The following TSPAN3 variants were observed in gnomAD, a reference collection of about 807,000 sequenced individuals.
TSPAN3 encodes tetraspanin-3.
TSPAN3 carries 9 observed loss-of-function variants against 31.1 expected under a neutral mutation model. The observed-to-expected ratio is 0.29, with a 90% CI of 0.17 to 0.50. The LOEUF (loss-of-function observed/expected upper bound fraction) is 0.50, where lower values mean the gene tolerates loss of function less well. Among genes scored for constraint, TSPAN3 ranks in the 20% least tolerant of loss-of-function variants. TSPAN3 has a pLI of 0.98. For synonymous variants in TSPAN3, 129 were observed against 114.3 expected (o/e 1.13, Z -0.82); for missense variants, 252 against 313.5 (o/e 0.80, Z 1.48).
Position 77,054,212 on chromosome 15 carries a change from G to C in TSPAN3, c.398C>G (p.Ala133Gly), listed in dbSNP as rs747433636. 39 of 1,613,964 alleles carry C rather than the reference G, an allele frequency of 2.4e-5. 1 individual carries two copies. In the South Asian group the frequency reaches 4.3e-4, roughly 18 times the overall value. Reference protein sequence around the residue: ...YKTYNGTNPDAASRAIDYVQR... With the variant: ...YKTYNGTNPDGASRAIDYVQR... Reference sequence around the variant, plus strand: ...TACATAATCAATAGCCCGGCTAGCAGCATCAGGGTTGGTTCCATTGTAGGT... The same window carrying C: ...TACATAATCAATAGCCCGGCTAGCACCATCAGGGTTGGTTCCATTGTAGGT... The change falls in exon 4 of 7, where the codon GCT (alanine) becomes GGT (glycine). Residue 133 changes from alanine (A) to glycine (G), a missense_variant. Ala to Gly is a moderately conservative substitution (Grantham distance 60, BLOSUM62 0). Coordinates refer to ENST00000267970, the MANE Select transcript of TSPAN3 (RefSeq NM_005724.6).
chr15:77,070,602 G>C (rs575380238), intron 1 of TSPAN3, among the ~76,000 whole-genome samples: 1 of 152,042 alleles, frequency 6.6e-6, no homozygotes, highest in Non-Finnish European at 1.5e-5. Flanking sequence ...AGACTGGGGC[G>C]CCTGGCACGG....
intron 6 of TSPAN3, among the ~76,000 whole-genome samples, chr15:77,048,831 A>G (rs988786141): frequency 6.6e-6 from 1 of 152,220 alleles, no homozygotes; most frequent in Non-Finnish European, 1.5e-5. Context: ...GATTAAAAAA[A>G]CTGACTGGCA....
intron 4 of TSPAN3, 67 bp from the exon 5 acceptor site, chr15:77,052,996 G>T: frequency 6.7e-7 from 1 of 1,483,116 alleles, no homozygotes; most frequent in South Asian, 1.2e-5. Flanking sequence ...ATGTACTACA[G>T]AGCTTTAAAA....
Position 77,055,927 on chromosome 15 carries a change from T to C in TSPAN3, c.256-64A>G, listed in dbSNP as rs2076765855. On this transcript the variant is annotated intron_variant, in intron 2 of 6. Transcript: ENST00000267970. ...AAAATAACTTTAAATACACTCTTGA[T>C]TTAAAAAAAGTTATCAGAGATAATT... is the stretch of plus-strand genomic sequence containing the variant. 3.2e-6 allele frequency: 5 copies of C among 1,547,292 alleles called. No individual in the cohort carries two copies. In the Admixed American group the frequency reaches 8.3e-5, roughly 26 times the overall value.
chr15:77,054,293 A>C lies in TSPAN3; in HGVS notation c.331-14T>G, dbSNP rs748222133. The C allele has an allele frequency of 6.4e-7, 1 of 1,573,014 alleles. No individual in the cohort carries two copies. Among genetic ancestry groups the C allele is most frequent in the African/African-American group, 1.3e-5 (1 of 74,252 alleles). ...CTCATTTTCCACCTGAATCAGAACA[A>C]AGAATTCAGTCCCTCAAAAATACTA... On this transcript the variant is annotated splice_polypyrimidine_tract_variant and intron_variant, in intron 3 of 6. Coordinates refer to ENST00000267970, the MANE Select transcript of TSPAN3 (RefSeq NM_005724.6).
Position 77,070,949 on chromosome 15 carries a change from G to T in TSPAN3, c.6C>A (p.Gly2=). The change falls in exon 1 of 7, where the codon GGC becomes GGA. Residue 2 remains glycine, a synonymous_variant. Transcript: ENST00000267970. The part of the protein sequence containing the change: M[G]QCGITSSKTV... ...TCTTGGAGGAGGTGATGCCGCACTG[G>T]CCCATGGCGCCGGTGGCCCGCGAAG... The T allele has an allele frequency of 2.1e-6, 3 of 1,436,372 alleles. No individual in the cohort carries two copies. The highest frequency in any genetic ancestry group is 2.8e-6 in the Non-Finnish European group (3 of 1,087,558). The allele number at this position is 1,436,372 out of a possible 1,614,324, so 89.0% of individuals were successfully genotyped here. A position where few individuals can be genotyped will look rare whatever the true frequency, so the allele number is the denominator to read the frequency against.
Position 77,043,361 on chromosome 15 carries a change from C to T in TSPAN3, c.*3474G>A, listed in dbSNP as rs993345999. 1.3e-5 allele frequency: 2 copies of T among 152,224 alleles called. No individual in the cohort carries two copies. The highest frequency in any genetic ancestry group is 2.9e-5 in the Non-Finnish European group (2 of 68,042). 9.4% of individuals were successfully genotyped at this position (152,224 alleles called of 1,614,324 possible). On this transcript the variant is annotated 3_prime_UTR_variant, in exon 7 of 7. Coordinates refer to ENST00000267970, the MANE Select transcript of TSPAN3 (RefSeq NM_005724.6). ...AGTTAACTACCTTCTACACAGTTAA[C>T]AATTACTTATATTAAAACCTTCCTG...
chr15:77,049,468 C>A (rs1229934115), intron 6 of TSPAN3, among the ~76,000 whole-genome samples: 1 of 152,146 alleles, frequency 6.6e-6, no homozygotes, highest in Non-Finnish European at 1.5e-5. Flanking sequence ...TACTCAGGAG[C>A]TTGACAAATC....
intron 1 of TSPAN3, 81 bp from the exon 2 acceptor site, chr15:77,056,336 A>T: frequency 8.8e-7 from 1 of 1,132,832 alleles, no homozygotes; most frequent in Non-Finnish European, 1.2e-6. Flanking sequence ...GTATAATTTA[A>T]TGAGAGTTAC....
chr15:77,046,862 G>A lies in TSPAN3; in HGVS notation c.735C>T (p.Leu245=). The A allele has an allele frequency of 6.3e-7, 1 of 1,594,242 alleles. No homozygotes were observed. Among genetic ancestry groups the A allele is most frequent in the Non-Finnish European group, 8.6e-7 (1 of 1,167,924 alleles). ...ATGCATAGGTTCCGCCAGTGATGAG[G>A]AGCTCGTAAGCAGGATCTCTACTCC... ...CRRSRDPAYE[L]LITGGTYA Residue 245 remains leucine (L), a synonymous_variant, in exon 7 of 7, where the codon CTC becomes CTT. Transcript: ENST00000267970.
At position 77,052,840 on chromosome 15, in the gene TSPAN3, G is replaced by A; in HGVS notation, c.522C>T (p.Cys174=). Residue 174 remains cysteine (C), a synonymous_variant, in exon 5 of 7, where the codon TGC becomes TGT. Coordinates refer to ENST00000267970, the MANE Select transcript of TSPAN3 (RefSeq NM_005724.6). ...TACAATTGCTGGCAGTCTCTCTGCA[G>A]CAGCTAAGAGGGACACTCTGGTTTT... ...ETKNQSVPLS[C]CRETASNCNG... is the part of the protein sequence containing the mutation. The A allele has an allele frequency of 1.2e-6, 2 of 1,614,130 alleles. No individual in the cohort carries two copies. Among genetic ancestry groups the A allele is most frequent in the Non-Finnish European group, 1.7e-6 (2 of 1,179,998 alleles).
At chr15:77,069,764 G>C (rs2076855232) in intron 1 of TSPAN3, 1 of 152,428 alleles carries the variant, frequency 6.6e-6, no homozygotes, top group Non-Finnish European at 1.5e-5. Flanking sequence ...GCGTGGGAGG[G>C]AGGAGCTGAA....
At chr15:77,061,958 G>C (rs945873748) in intron 1 of TSPAN3, among the ~76,000 whole-genome samples, 4 of 152,192 alleles carry the variant, frequency 2.6e-5, no homozygotes, top group African/African-American at 4.8e-5. Flanking sequence ...TAGTAAAGTA[G>C]AAGTGACTGG....
chr15:77,047,376 G>A (rs978439414), intron 6 of TSPAN3, among the ~76,000 whole-genome samples: 3 of 152,292 alleles, frequency 2.0e-5, no homozygotes, highest in South Asian at 2.1e-4. Flanking sequence ...ATTCTGGACA[G>A]CAAAGGCCTG....
intron 6 of TSPAN3, 51 bp downstream of exon 6, chr15:77,052,334 C>T (rs2076737255): frequency 6.5e-7 from 1 of 1,529,490 alleles, no homozygotes; most frequent in South Asian, 1.1e-5. Context: ...TCAGGGCTGA[C>T]AACAGAGAAC....
chr15:77,048,351 G>C (rs745831018), intron 6 of TSPAN3, among the ~76,000 whole-genome samples: 2 of 151,688 alleles, frequency 1.3e-5, no homozygotes, highest in Non-Finnish European at 2.9e-5. Flanking sequence ...TTTGCTAAGG[G>C]AAAAAAAATC....
chr15:77,058,817 T>C (rs1225625722), intron 1 of TSPAN3, among the ~76,000 whole-genome samples: 3 of 152,260 alleles, frequency 2.0e-5, no homozygotes, highest in African/African-American at 4.8e-5. Flanking sequence ...TTCAGTTCAA[T>C]GCTTATAGCT....
intron 1 of TSPAN3, among the ~76,000 whole-genome samples, chr15:77,070,587 G>A (rs188987305): frequency 1.3e-4 from 20 of 151,722 alleles, no homozygotes; most frequent in African/African-American, 4.6e-4. Context: ...GACTCCGGGG[G>A]GGGGAGACTG....
rs2076867062 is a variant in TSPAN3 at position 77,071,079 on chromosome 15, G to C, written c.-125C>G. ...CTGCGCGGCGCTCCCCGCAGCCCCT[G>C]CGCCGTCGCGCAGCCCCGACCCCAG... is the stretch of plus-strand genomic sequence containing the variant. On this transcript the variant is annotated 5_prime_UTR_variant, in exon 1 of 7. Coordinates refer to ENST00000267970, the MANE Select transcript of TSPAN3 (RefSeq NM_005724.6). 1 of 576,640 alleles carries C rather than the reference G, an allele frequency of 1.7e-6. No individual in the cohort carries two copies. The highest frequency in any genetic ancestry group is 4.3e-5 in the East Asian group (1 of 23,384). 35.7% of individuals were successfully genotyped at this position (576,640 alleles called of 1,614,324 possible). A position where few individuals can be genotyped will look rare whatever the true frequency, so the allele number is the denominator to read the frequency against.
Sources: gnomAD v4.1 joint callset for allele counts (sites outside exome capture counted in the v4.1 genomes callset) on GRCh38, gnomAD v4.1.1 for gene constraint, MANE v1.5 for transcripts, NCBI Gene and HGNC (gene_info 2026-07-23, HGNC 2026-07-21) for gene names.